Variants in PGR observed in about 807,000 individuals in gnomAD.
The protein encoded by PGR is progesterone receptor, also known as nuclear receptor subfamily 3 group C member 3.
PGR carries 25 observed loss-of-function variants against 76.1 expected under a neutral mutation model. The ratio of observed to expected loss-of-function variants is 0.33; its 90% CI spans 0.24 to 0.46. The LOEUF (loss-of-function observed/expected upper bound fraction) is 0.46, where lower values mean the gene tolerates loss of function less well. Ranked by LOEUF, PGR falls within the 20% of genes least tolerant of loss-of-function variation. PGR has a pLI of 1.00. For synonymous variants in PGR, 579 were observed against 535.0 expected (o/e 1.08, Z -1.14); for missense variants, 1,172 against 1,225.3 (o/e 0.96, Z 0.65).
intron 7 of PGR, among the ~76,000 whole-genome samples, chr11:101,041,492 T>A (rs569209351): frequency 6.6e-5 from 10 of 152,268 alleles, no homozygotes; most frequent in African/African-American, 2.4e-4. Context: ...AGATAAATCC[T>A]AAAAAATAGA....
chr11:101,048,103 C>G (rs1223509826), intron 6 of PGR, among the ~76,000 whole-genome samples: 2 of 152,132 alleles, frequency 1.3e-5, no homozygotes, highest in African/African-American at 4.8e-5. Context: ...TTGCAAGCCA[C>G]TAGGAAGGGG....
chr11:101,062,495 C>A lies in PGR; in HGVS notation c.2164G>T (p.Gly722Cys). Residue 722 changes from glycine (G) to cysteine (C), a missense_variant, in exon 4 of 8, where the codon GGC becomes TGC. Physicochemically the swap from Gly to Cys is radical, Grantham distance 159 (BLOSUM62 -3). This residue lies in a region of PGR where 166 missense variants were observed against 296.0 expected (regional missense o/e 0.56). Coordinates refer to ENST00000325455, the MANE Select transcript of PGR (RefSeq NM_000926.4). The stretch of plus-strand genomic sequence containing the variant: ...ACTACTGAAAGAAGTTGCCTCTCGC[C>A]TAGTTGATTAAGACTTGTCAGCAAA... ...SSLLTSLNQL[G>C]ERQLLSVVKW... The A allele has an allele frequency of 6.2e-7, 1 of 1,613,974 alleles. No individual in the cohort carries two copies. The highest frequency in any genetic ancestry group is 2.2e-5 in the East Asian group (1 of 44,876).
At chr11:101,058,567 A>G (rs1384999206) in intron 4 of PGR, among the ~76,000 whole-genome samples, 4 of 152,198 alleles carry the variant, frequency 2.6e-5, no homozygotes, top group Admixed American at 2.6e-4. Flanking sequence ...TAAAAAATGC[A>G]AGGTTTAAAA....
chr11:101,056,513 T>C (rs980334546), intron 4 of PGR, among the ~76,000 whole-genome samples: 3 of 150,570 alleles, frequency 2.0e-5, no homozygotes, highest in African/African-American at 7.5e-5. Flanking sequence ...CCTGTAGTGC[T>C]GGGGAGGCTG....
intron 2 of PGR, among the ~76,000 whole-genome samples, chr11:101,100,985 C>A (rs914693327): frequency 1.3e-5 from 2 of 151,988 alleles, no homozygotes; most frequent in Admixed American, 1.3e-4. Context: ...AAAGTAAAGA[C>A]AACTCCAGCA....
Position 101,129,149 on chromosome 11 carries a change from A to C in PGR, c.-79T>G. ...AAGGAGGAGGGGGTTTCGGGAATATAGGGGCAGAGGGAGGAGAAAGTGGGT... is the reference window on the plus strand; with the variant it reads ...AAGGAGGAGGGGGTTTCGGGAATATCGGGGCAGAGGGAGGAGAAAGTGGGT... On this transcript the variant is annotated 5_prime_UTR_variant, in exon 1 of 8. Transcript: ENST00000325455. 9.4e-7 allele frequency: 1 copy of C among 1,068,312 alleles called. No homozygotes were observed. Among genetic ancestry groups the C allele is most frequent in the Non-Finnish European group, 1.2e-6 (1 of 829,262 alleles). The allele number at this position is 1,068,312 out of a possible 1,614,324, so 66.2% of individuals were successfully genotyped here.
At chr11:101,050,548 G>A (rs531387565) in intron 5 of PGR, among the ~76,000 whole-genome samples, 1 of 152,178 alleles carries the variant, frequency 6.6e-6, no homozygotes. Context: ...ATACAGAAAA[G>A]AGTAAAAGAG....
intron 2 of PGR, among the ~76,000 whole-genome samples, chr11:101,108,248 TAA>T (rs550121348): frequency 1.5e-4 from 17 of 115,360 alleles, no homozygotes; most frequent in Admixed American, 9.4e-5. Context: ...AGACTCCGTC[TAA>T]AAAAAAAAAA....
intron 3 of PGR, among the ~76,000 whole-genome samples, chr11:101,065,814 A>C (rs1476063049): frequency 6.6e-6 from 1 of 151,908 alleles, no homozygotes; most frequent in Non-Finnish European, 1.5e-5. Context: ...GCGGATGGAC[A>C]TGGTGGCTGA....
In PGR at chr11:101,038,017, C is replaced by T. The variant is rs779224460; in HGVS notation, c.*1099G>A. 2.4e-5 allele frequency: 5 copies of T among 208,480 alleles called. No individual in the cohort carries two copies. The highest frequency in any genetic ancestry group is 4.9e-5 in the Non-Finnish European group (5 of 102,400). 12.9% of individuals were successfully genotyped at this position (208,480 alleles called of 1,614,324 possible). A position where few individuals can be genotyped will look rare whatever the true frequency, so the allele number is the denominator to read the frequency against. On this transcript the variant is annotated 3_prime_UTR_variant, in exon 8 of 8. Coordinates refer to ENST00000325455, the MANE Select transcript of PGR (RefSeq NM_000926.4). ...AAGATTTTACAGAAATGACATTTGG[C>T]TGAGTCTCGAAGGTTGAAACATGCA...
chr11:101,039,325 T>G (rs1363216541), intron 7 of PGR, 54 bp from the exon 8 acceptor site: 1 of 1,322,414 alleles, frequency 7.6e-7, no homozygotes, highest in Non-Finnish European at 1.1e-6. Flanking sequence ...TAAATTCATA[T>G]GCTATTCAAA....
intron 2 of PGR, among the ~76,000 whole-genome samples, chr11:101,116,975 A>T (rs1862533159): frequency 2.0e-5 from 3 of 152,096 alleles, no homozygotes. Context: ...TTTTCATTGC[A>T]AGGGTATACC....
At position 101,041,434 on chromosome 11, in the gene PGR, T is replaced by C. The variant is rs1052406609; in HGVS notation, c.2646+511A>G. 2.4e-4 allele frequency among the ~76,000 whole-genome samples: 37 copies of C among 152,128 alleles called. 1 individual carries two copies. The highest frequency in any genetic ancestry group is 1.0e-4 in the Non-Finnish European group (7 of 68,000). ...GCTTTTCTTTTTTCCCCCTCTGCTA[T>C]GGTGAACATCCTTGCATGTATATTA... On this transcript the variant is annotated intron_variant, in intron 7 of 7. Coordinates refer to ENST00000325455, the MANE Select transcript of PGR (RefSeq NM_000926.4).
chr11:101,081,899 C>T (rs1861320011), intron 3 of PGR, among the ~76,000 whole-genome samples: 1 of 152,174 alleles, frequency 6.6e-6, no homozygotes, highest in Admixed American at 6.6e-5. Flanking sequence ...ATCAAAACCT[C>T]ACATATAAAA....
At chr11:101,117,847 T>G (rs531337636) in intron 2 of PGR, among the ~76,000 whole-genome samples, 4 of 152,226 alleles carry the variant, frequency 2.6e-5, no homozygotes, top group Non-Finnish European at 5.9e-5. Context: ...AACTAACTTC[T>G]GAGTCTTTGC....
rs608995 is a variant in PGR at position 101,035,002 on chromosome 11, A to T, written c.*4114T>A. On this transcript the variant is annotated 3_prime_UTR_variant, in exon 8 of 8. Transcript: ENST00000325455. ...ATTAAAATGATTTCATGACTTAGTG[A>T]AGTAAGGATAAGCAATTTAGGACTT... 52,330 of 197,360 alleles carry T rather than the reference A, an allele frequency of 0.27. 7,146 individuals carry two copies. Among genetic ancestry groups the T allele is most frequent in the African/African-American group, 0.34 (14,658 of 43,456 alleles). 12.2% of individuals were successfully genotyped at this position (197,360 alleles called of 1,614,324 possible).
intron 2 of PGR, among the ~76,000 whole-genome samples, chr11:101,095,210 C>G (rs1318783579): frequency 6.6e-6 from 1 of 152,128 alleles, no homozygotes; most frequent in Non-Finnish European, 1.5e-5. Flanking sequence ...CTCATTCATT[C>G]AACAAGTATT....
chr11:101,127,178 C>A (rs1862865839), intron 1 of PGR: 1 of 320,514 alleles, frequency 3.1e-6, no homozygotes, highest in Non-Finnish European at 5.7e-6. Flanking sequence ...AAAAAACAAA[C>A]AAAAAAACAG....
intron 2 of PGR, among the ~76,000 whole-genome samples, chr11:101,119,145 C>A (rs190077503): frequency 6.6e-6 from 1 of 152,104 alleles, no homozygotes; most frequent in Non-Finnish European, 1.5e-5. Context: ...GACAGGGAGG[C>A]GGAGCTCAGT....
Sources: gnomAD v4.1 joint callset for allele counts (sites outside exome capture counted in the v4.1 genomes callset) on GRCh38, gnomAD v4.1.1 for gene constraint, gnomAD v4.1.1 regional missense constraint, MANE v1.5 for transcripts, NCBI Gene and HGNC (gene_info 2026-07-23, HGNC 2026-07-21) for gene names.